Variants in CYP4X1 observed in about 807,000 individuals in gnomAD.
CYP4X1 encodes cytochrome P450 4X1.
A neutral mutation model predicts 57.9 loss-of-function variants in CYP4X1; 44 were observed. The observed-to-expected ratio is 0.76, with a 90% CI of 0.60 to 0.98. CYP4X1 has a LOEUF of 0.98. Among genes scored for constraint, CYP4X1 ranks in the 50% least tolerant of loss-of-function variants. CYP4X1 has a pLI of 0.00. For synonymous variants in CYP4X1, 227 were observed against 228.6 expected, an observed-to-expected ratio of 0.99 and a Z score of 0.06; for missense variants, 532 against 623.9, an observed-to-expected ratio of 0.85 and a Z score of 1.57.
chr1:46,983,771 T>A, the CYP4X1 span, among the ~76,000 whole-genome samples: 1 of 152,160 alleles, frequency 6.6e-6, no homozygotes, highest in South Asian at 2.1e-4. Context: ...ATGGTGGGCA[T>A]GTCCATTACC....
At chr1:47,046,364 A>G (rs1644301197) in intron 8 of CYP4X1, 103 bp from the exon 9 acceptor site, 1 of 1,504,078 alleles carries the variant, frequency 6.6e-7, no homozygotes, top group Non-Finnish European at 9.0e-7. Context: ...CAGTGGCAAA[A>G]TGGCTTTAAC....
the CYP4X1 span, among the ~76,000 whole-genome samples, chr1:46,996,105 C>A: frequency 6.6e-6 from 1 of 152,298 alleles, no homozygotes; most frequent in East Asian, 1.9e-4. Flanking sequence ...AGGCATTGAA[C>A]AAACAACTTT....
the CYP4X1 span, among the ~76,000 whole-genome samples, chr1:46,974,676 A>G: frequency 2.0e-5 from 3 of 152,092 alleles, no homozygotes; most frequent in African/African-American, 7.2e-5. Flanking sequence ...ACATTTTATC[A>G]TTGTGTAATG....
intron 9 of CYP4X1, among the ~76,000 whole-genome samples, chr1:47,047,146 A>C (rs1009104091): frequency 2.6e-5 from 4 of 152,234 alleles, no homozygotes; most frequent in Non-Finnish European, 5.9e-5. Flanking sequence ...AATGTGGCCC[A>C]AAATCCAGAG....
chr1:47,046,903 GC>G (rs1220370121), intron 9 of CYP4X1, among the ~76,000 whole-genome samples: 3 of 152,230 alleles, frequency 2.0e-5, no homozygotes, highest in Non-Finnish European at 4.4e-5. Context: ...TCTTTGTTTG[GC>G]TGAGTTTGAG....
chr1:46,971,890 T>C, the CYP4X1 span, among the ~76,000 whole-genome samples: 2 of 152,238 alleles, frequency 1.3e-5, no homozygotes, highest in Admixed American at 6.5e-5. Flanking sequence ...AGACTGTCCA[T>C]GTACTCTGTT....
chr1:46,961,694 C>T, the CYP4X1 span: 1 of 1,294,138 alleles, frequency 7.7e-7, no homozygotes, highest in South Asian at 1.2e-5. Context: ...TTTGACCCAA[C>T]CAACTTCTTC....
At chr1:46,977,002 C>T in the CYP4X1 span, among the ~76,000 whole-genome samples, 1 of 152,142 alleles carries the variant, frequency 6.6e-6, no homozygotes, top group Non-Finnish European at 1.5e-5. Context: ...GTAGATAAAA[C>T]CACAAAGATG....
chr1:46,976,855 A>T, the CYP4X1 span, among the ~76,000 whole-genome samples: 1 of 152,114 alleles, frequency 6.6e-6, no homozygotes, highest in Non-Finnish European at 1.5e-5. Context: ...CCTCCAGCAA[A>T]CTCCAACAGA....
In CYP4X1 at chr1:47,049,427, T is replaced by C. The variant is rs1217028927; in HGVS notation, c.1278T>C (p.Phe426=). The C allele has an allele frequency of 1.9e-6, 3 of 1,614,008 alleles. No individual in the cohort carries two copies. In the South Asian group the frequency reaches 3.3e-5, roughly 18 times the overall value. Residue 426 remains phenylalanine, a synonymous_variant, in exon 11 of 12, where the codon TTT becomes TTC. Coordinates refer to ENST00000371901, the MANE Select transcript of CYP4X1 (RefSeq NM_178033.2). ...GGGTTGTCCTCTCATTTCAGGTCTT[T>C]GACCCCTTGAGGTTCTCTCAGGAGA... The part of the protein sequence containing the change: ...NPAVWKNPKV[F]DPLRFSQENS...
In CYP4X1 at chr1:47,031,485, G is replaced by A. The variant is rs757832734; in HGVS notation, c.364+5G>A. 6.2e-7 allele frequency: 1 copy of A among 1,614,042 alleles called. No homozygotes were observed. The highest frequency in any genetic ancestry group is 8.5e-7 in the Non-Finnish European group (1 of 1,179,958). ...AATTCTCACCTCCACTTCTTGGTATGTATGTGCAAATGAGAGGTATAACCC... is the reference window on the plus strand; with the variant it reads ...AATTCTCACCTCCACTTCTTGGTATATATGTGCAAATGAGAGGTATAACCC... On this transcript the variant is annotated splice_donor_5th_base_variant and intron_variant, in intron 3 of 11. Coordinates refer to ENST00000371901, the MANE Select transcript of CYP4X1 (RefSeq NM_178033.2).
chr1:47,046,437 C>A (rs1400917421), intron 8 of CYP4X1, 30 bp from the exon 9 acceptor site: 2 of 1,613,014 alleles, frequency 1.2e-6, no homozygotes, highest in Admixed American at 3.3e-5. Context: ...GTTATGATAT[C>A]TGAGTCCCTT....
At chr1:47,009,560 C>A in the CYP4X1 span, among the ~76,000 whole-genome samples, 4 of 152,050 alleles carry the variant, frequency 2.6e-5, no homozygotes, top group African/African-American at 9.7e-5. Context: ...TAACTAAGAT[C>A]AGAGCAGAAC....
At chr1:47,002,693 T>C in the CYP4X1 span, among the ~76,000 whole-genome samples, 1 of 152,224 alleles carries the variant, frequency 6.6e-6, no homozygotes, top group South Asian at 2.1e-4. Context: ...CATTCAAATG[T>C]GTTTTATGTT....
upstream of CYP4X1, among the ~76,000 whole-genome samples, chr1:47,021,429 C>G (rs923791025): frequency 1.3e-5 from 2 of 152,126 alleles, no homozygotes; most frequent in African/African-American, 4.8e-5. Context: ...TGGACTGAGG[C>G]AAAAAGTGGC....
At chr1:47,034,621 A>AG (rs751724117) in intron 4 of CYP4X1, among the ~76,000 whole-genome samples, 2 of 152,150 alleles carry the variant, frequency 1.3e-5, no homozygotes, top group Non-Finnish European at 2.9e-5. Context: ...GAAGTCAGCC[A>AG]GGACTGTGGT....
At chr1:46,974,727 G>C in the CYP4X1 span, among the ~76,000 whole-genome samples, 30 of 151,888 alleles carry the variant, frequency 2.0e-4, 1 homozygote, top group African/African-American at 5.1e-4. Context: ...TTTAATATCT[G>C]TTTCATTTGA....
At chr1:47,042,992 C>G (rs1175311474) in intron 8 of CYP4X1, among the ~76,000 whole-genome samples, 1 of 152,174 alleles carries the variant, frequency 6.6e-6, no homozygotes, top group Non-Finnish European at 1.5e-5. Context: ...ATTGCTGGAT[C>G]AAATGGTAGT....
intron 8 of CYP4X1, among the ~76,000 whole-genome samples, chr1:47,044,883 C>A (rs1569652033): frequency 6.6e-6 from 1 of 150,938 alleles, no homozygotes; most frequent in Non-Finnish European, 1.5e-5. Context: ...AGTGCAGTGG[C>A]GCAATCTCTC....
Sources: allele counts gnomAD v4.1 joint callset (sites outside exome capture counted in the v4.1 genomes callset), GRCh38; gene constraint gnomAD v4.1.1; transcripts MANE v1.5; gene names NCBI Gene and HGNC (gene_info 2026-07-23, HGNC 2026-07-21).